STK32B: variants seen among roughly 807,000 people sequenced by gnomAD.
The protein encoded by STK32B is serine/threonine-protein kinase 32B.
STK32B carries 43 observed loss-of-function variants against 52.6 expected under a neutral mutation model. The observed-to-expected ratio is 0.82, with a 90% CI of 0.64 to 1.05. The LOEUF is 1.05. STK32B is among the 50% of genes least tolerant of loss of function. STK32B has a pLI of 0.00. For synonymous variants in STK32B, 238 were observed against 204.3 expected (o/e 1.17, Z -1.41); for missense variants, 621 against 534.6 (o/e 1.16, Z -1.59).
intron 1 of STK32B, among the ~76,000 whole-genome samples, chr4:5,100,661 ATTCTTTCT>A (rs1163831634): frequency 1.8e-4 from 10 of 54,738 alleles, no homozygotes; most frequent in Admixed American, 1.2e-3. Flanking sequence ...TTTCTCTTTC[ATTCTTTCT>A]TTCTTTCCTT....
Position 5,432,740 on chromosome 4 carries a change from T to C in STK32B, c.563-13933T>C, listed in dbSNP as rs912134575. Among the ~76,000 whole-genome samples, 4 of 152,202 alleles carry C rather than the reference T, an allele frequency of 2.6e-5. No homozygotes were observed. In the South Asian group the frequency reaches 6.2e-4, roughly 24 times the overall value. ...TGCTAAAAAGCTTGAACTTCATTCATAGTAAATAGCAAACTTGGAATGATT... is the reference window on the plus strand; with the variant it reads ...TGCTAAAAAGCTTGAACTTCATTCACAGTAAATAGCAAACTTGGAATGATT... On this transcript the variant is annotated intron_variant, in intron 6 of 11. Transcript: ENST00000282908.
At chr4:5,307,987 G>A (rs1240573812) in intron 3 of STK32B, among the ~76,000 whole-genome samples, 1 of 152,146 alleles carries the variant, frequency 6.6e-6, no homozygotes, top group Non-Finnish European at 1.5e-5. Flanking sequence ...CCATCTTCAG[G>A]TTTCTCAGCC....
chr4:5,231,479 G>T (rs940253835), intron 3 of STK32B, among the ~76,000 whole-genome samples: 11 of 152,086 alleles, frequency 7.2e-5, no homozygotes, highest in African/African-American at 2.2e-4. Flanking sequence ...AGGCATGGTG[G>T]TGCACACCTG....
rs532429703 is a variant in STK32B, at chr4:5,236,929, T to C, written c.260+68479T>C. Among the ~76,000 whole-genome samples, 7 of 152,344 alleles carry C rather than the reference T, an allele frequency of 4.6e-5. No individual in the cohort carries two copies. In the South Asian group the frequency reaches 1.4e-3, roughly 32 times the overall value. On this transcript the variant is annotated intron_variant, in intron 3 of 11. Coordinates refer to ENST00000282908, the MANE Select transcript of STK32B (RefSeq NM_018401.3). Reference sequence around the variant, plus strand: ...ATTACTGGGTGGTAGGCTGTGCTTATGTGTAGTTTGAATACATGCTGTCAA... The same window carrying C: ...ATTACTGGGTGGTAGGCTGTGCTTACGTGTAGTTTGAATACATGCTGTCAA...
At chr4:5,293,913 T>C (rs1301323810) in intron 3 of STK32B, among the ~76,000 whole-genome samples, 2 of 152,210 alleles carry the variant, frequency 1.3e-5, no homozygotes, top group Admixed American at 6.5e-5. Flanking sequence ...AGGGCTTTTA[T>C]GGTTTTAGAT....
rs534901356 is a variant in STK32B, at chr4:5,339,849, C to T, written c.434+8456C>T. 1.1e-4 allele frequency among the ~76,000 whole-genome samples: 17 copies of T among 152,270 alleles called. No homozygotes were observed. In the South Asian group the frequency reaches 3.1e-3, roughly 28 times the overall value. On this transcript the variant is annotated intron_variant, in intron 4 of 11. Coordinates refer to ENST00000282908, the MANE Select transcript of STK32B (RefSeq NM_018401.3). ...AATGTTCATAAAGAATTTATCTGTGCCTGGCTTCTTTTAGACGCCTCATAC... is the reference window on the plus strand; with the variant it reads ...AATGTTCATAAAGAATTTATCTGTGTCTGGCTTCTTTTAGACGCCTCATAC...
At chr4:5,178,753 A>G (rs1047567266) in intron 3 of STK32B, among the ~76,000 whole-genome samples, 1 of 152,184 alleles carries the variant, frequency 6.6e-6, no homozygotes, top group Non-Finnish European at 1.5e-5. Context: ...AGTGACCTTT[A>G]ATCCAGTTCC....
At chr4:5,437,422 T>G (rs987599739) in intron 6 of STK32B, among the ~76,000 whole-genome samples, 2 of 152,242 alleles carry the variant, frequency 1.3e-5, no homozygotes, top group Non-Finnish European at 2.9e-5. Flanking sequence ...CGCATTGCCC[T>G]GATCTGCCTT....
intron 1 of STK32B, among the ~76,000 whole-genome samples, chr4:5,133,319 T>C (rs1219103170): frequency 1.3e-5 from 2 of 152,176 alleles, no homozygotes. Context: ...AATGAGTGAC[T>C]AATGGAAGCT....
At chr4:5,056,342 A>G (rs577371903) in intron 1 of STK32B, among the ~76,000 whole-genome samples, 8 of 152,220 alleles carry the variant, frequency 5.3e-5, no homozygotes, top group Non-Finnish European at 2.9e-5. Context: ...TCTCTTCCTA[A>G]GGAATTGCAA....
chr4:5,116,166 A>G (rs908520219), intron 1 of STK32B, among the ~76,000 whole-genome samples: 1 of 151,236 alleles, frequency 6.6e-6, no homozygotes, highest in African/African-American at 2.5e-5. Context: ...GCTCACTCAG[A>G]TGTGTGTGTG....
chr4:5,198,521 A>C (rs1282005081), intron 3 of STK32B, among the ~76,000 whole-genome samples: 1 of 152,178 alleles, frequency 6.6e-6, no homozygotes. Context: ...CTGAAGGACA[A>C]GGGGAGAAAG....
At chr4:5,029,388 GAGTC>G in the STK32B span, among the ~76,000 whole-genome samples, 29 of 152,174 alleles carry the variant, frequency 1.9e-4, no homozygotes. Context: ...GCAGACGAGG[GAGTC>G]AGAGAAATTT....
At chr4:5,209,866 G>C (rs866663892) in intron 3 of STK32B, among the ~76,000 whole-genome samples, 1 of 152,112 alleles carries the variant, frequency 6.6e-6, no homozygotes, top group Non-Finnish European at 1.5e-5. Context: ...ACAGAATCAG[G>C]ATATGGCCCC....
intron 1 of STK32B, among the ~76,000 whole-genome samples, chr4:5,110,118 G>GA (rs1287970974): frequency 6.6e-6 from 1 of 151,690 alleles, no homozygotes. Flanking sequence ...CAAACAAATG[G>GA]AAAAACATCC....
chr4:5,198,680 C>G (rs1358762508), intron 3 of STK32B, among the ~76,000 whole-genome samples: 1 of 152,142 alleles, frequency 6.6e-6, no homozygotes, highest in Non-Finnish European at 1.5e-5. Flanking sequence ...CACACTCCCT[C>G]TTTAGGCAGG....
At chr4:5,390,018 G>C (rs1171418349) in intron 4 of STK32B, among the ~76,000 whole-genome samples, 2 of 152,222 alleles carry the variant, frequency 1.3e-5, no homozygotes, top group African/African-American at 4.8e-5. Context: ...GCAAAGAACA[G>C]AGCTCCTCTG....
At chr4:5,452,186 T>G (rs1392285024) in intron 7 of STK32B, among the ~76,000 whole-genome samples, 1 of 152,210 alleles carries the variant, frequency 6.6e-6, no homozygotes, top group Non-Finnish European at 1.5e-5. Flanking sequence ...ACCACCTCCC[T>G]GACCTGGTGT....
At chr4:5,356,240 C>A (rs557145371) in intron 4 of STK32B, among the ~76,000 whole-genome samples, 2 of 152,274 alleles carry the variant, frequency 1.3e-5, no homozygotes, top group South Asian at 4.1e-4. Flanking sequence ...CTACCTCCAT[C>A]CTCACATGAC....
Sources: gnomAD v4.1 joint callset for allele counts (sites outside exome capture counted in the v4.1 genomes callset) on GRCh38, gnomAD v4.1.1 for gene constraint, MANE v1.5 for transcripts, NCBI Gene and HGNC (gene_info 2026-07-23, HGNC 2026-07-21) for gene names.